The following PNPLA5 variants were observed in gnomAD, a reference collection of about 807,000 sequenced individuals.
PNPLA5 encodes the protein patatin like domain 5, triacylglycerol lipase.
In PNPLA5, 44 loss-of-function variants were observed where a neutral mutation model predicts 49.1. That is an observed-to-expected ratio of 0.90 (90% CI 0.70 to 1.15). PNPLA5 has a LOEUF of 1.15. PNPLA5 is among the 50% of genes most tolerant of loss of function. The pLI, the probability that PNPLA5 is intolerant of heterozygous loss-of-function variation, is 0.00. For synonymous variants in PNPLA5, 243 were observed against 244.4 expected (o/e 0.99, Z 0.06); for missense variants, 603 against 564.0 (o/e 1.07, Z -0.70).
At position 43,884,227 on chromosome 22, in the gene PNPLA5, G is replaced by A; in HGVS notation, c.1068C>T (p.Tyr356=). Reference sequence around the variant, plus strand: ...CCGAGCCTTACCTTCTGCTGCGGAAGTAGATGTACTCGAAGGGCAGTGTGC... The same window carrying A: ...CCGAGCCTTACCTTCTGCTGCGGAAATAGATGTACTCGAAGGGCAGTGTGC... ...LPCTLPFEYI[Y]FRSRRLVVWL... The change falls in exon 7 of 9, where the codon TAC becomes TAT. Residue 356 remains tyrosine, a synonymous_variant. Coordinates refer to ENST00000216177, the MANE Select transcript of PNPLA5 (RefSeq NM_138814.4). 7 of 1,564,486 alleles carry A rather than the reference G, an allele frequency of 4.5e-6. No individual in the cohort carries two copies. Among genetic ancestry groups the A allele is most frequent in the Non-Finnish European group, 6.1e-6 (7 of 1,152,974 alleles).
Position 43,891,295 on chromosome 22 carries a change from C to A in PNPLA5, c.194-1G>T. 1 of 1,554,520 alleles carries A rather than the reference C, an allele frequency of 6.4e-7. No individual in the cohort carries two copies. The highest frequency in any genetic ancestry group is 8.7e-7 in the Non-Finnish European group (1 of 1,152,754). ...CCCAGGAGGTGGGAGCAGCAGAAGT[C>A]TGCAGTGGGGGCAGGGAAAGGGAGA... On this transcript the variant is annotated splice_acceptor_variant, in intron 1 of 8. Transcript: ENST00000216177. LOFTEE classifies it high-confidence loss of function.
At chr22:43,881,695 G>T in intron 7 of PNPLA5, 21 bp from the exon 8 acceptor site, 1 of 1,611,532 alleles carries the variant, frequency 6.2e-7, no homozygotes, top group Non-Finnish European at 8.5e-7. Flanking sequence ...GGGCAGGTCA[G>T]CTTTGCCCAG....
chr22:43,891,806 C>T lies in PNPLA5; in HGVS notation c.75G>A (p.Val25=), dbSNP rs569493493. ...GCTGGCGCAGGCATTCGGTGGCGCC[C>T]ACGTGGTGGGCGCCCAGGTAGCCGG... The part of the protein sequence containing the change: ...SGAGYLGAHH[V]GATECLRQRA... Residue 25 remains valine (V), a synonymous_variant, in exon 1 of 9, where the codon GTG becomes GTA. Transcript: ENST00000216177. 610 of 1,522,552 alleles carry T rather than the reference C, an allele frequency of 4.0e-4. 2 individuals carry two copies. The African/African-American group carries it at 8.0e-3, about 20-fold the overall frequency. The allele number at this position is 1,522,552 out of a possible 1,614,324, so 94.3% of individuals were successfully genotyped here.
intron 7 of PNPLA5, 106 bp from the exon 8 acceptor site, chr22:43,881,780 A>G: frequency 6.7e-7 from 1 of 1,483,598 alleles, no homozygotes; most frequent in Non-Finnish European, 8.9e-7. Flanking sequence ...CCTGCTCCTG[A>G]GGGCTGCCCA....
chr22:43,883,828 A>T (rs921523335), intron 7 of PNPLA5, among the ~76,000 whole-genome samples: 56 of 151,546 alleles, frequency 3.7e-4, no homozygotes, highest in African/African-American at 1.4e-3. Context: ...AAAAGAAAAG[A>T]AAAGAAAGAA....
chr22:43,880,581 A>AT lies in PNPLA5; in HGVS notation c.*213dup, dbSNP rs1355187837. 1 of 413,022 alleles carries AT rather than the reference A, an allele frequency of 2.4e-6. No homozygotes were observed. Among genetic ancestry groups the AT allele is most frequent in the Non-Finnish European group, 4.2e-6 (1 of 239,254 alleles). The allele number at this position is 413,022 out of a possible 1,614,324, so 25.6% of individuals were successfully genotyped here. A position where few individuals can be genotyped will look rare whatever the true frequency, so the allele number is the denominator to read the frequency against. On this transcript the variant is annotated 3_prime_UTR_variant, in exon 9 of 9. Transcript: ENST00000216177. ...GTGGCTGTCCTCCTTTCTCTCCCTG[A>AT]TGAGACGGGGCAAGAGGGAGGGCAG... is the stretch of plus-strand genomic sequence containing the variant.
At chr22:43,888,626 G>A (rs1362183891) in intron 4 of PNPLA5, among the ~76,000 whole-genome samples, 2 of 151,790 alleles carry the variant, frequency 1.3e-5, no homozygotes, top group Non-Finnish European at 2.9e-5. Context: ...GTAGACACAG[G>A]GTTTCACCAT....
At chr22:43,888,426 CTTTTTT>C (rs11408284) in intron 4 of PNPLA5, among the ~76,000 whole-genome samples, 6 of 84,360 alleles carry the variant, frequency 7.1e-5, no homozygotes, top group Admixed American at 4.2e-4. Context: ...TTCTTTCCTT[CTTTTTT>C]TTTTTTTTTT....
Position 43,891,085 on chromosome 22 carries a change from C to T in PNPLA5, c.403G>A (p.Ala135Thr), listed in dbSNP as rs1459512775. The T allele has an allele frequency of 1.2e-6, 2 of 1,610,534 alleles. No individual in the cohort carries two copies. Among genetic ancestry groups the T allele is most frequent in the Non-Finnish European group, 1.7e-6 (2 of 1,178,886 alleles). Residue 135 changes from alanine (A) to threonine (T), a missense_variant, in exon 2 of 9, where the codon GCC becomes ACC. Transcript: ENST00000216177. ...DGRNFLVTDF[A>T]TCDELIQALV... is the part of the protein sequence containing the mutation. ...ACCTGGATGAGCTCATCGCAGGTGGCGAAGTCAGTGACCAAGAAGTTGCGT... is the reference window on the plus strand; with the variant it reads ...ACCTGGATGAGCTCATCGCAGGTGGTGAAGTCAGTGACCAAGAAGTTGCGT...
intron 7 of PNPLA5, chr22:43,881,879 A>C: frequency 5.4e-5 from 29 of 532,852 alleles, no homozygotes; most frequent in Non-Finnish European, 6.5e-5. Context: ...AAGATCCAAA[A>C]TGGACTTTGA....
intron 2 of PNPLA5, among the ~76,000 whole-genome samples, chr22:43,890,787 C>T (rs2049714512): frequency 6.6e-6 from 1 of 152,196 alleles, no homozygotes; most frequent in Non-Finnish European, 1.5e-5. Context: ...TAGCCAGCTG[C>T]CCTCTGGAAA....
At position 43,891,721 on chromosome 22, in the gene PNPLA5, T is replaced by C. The variant is rs1188870753; in HGVS notation, c.160A>G (p.Asn54Asp). Residue 54 changes from asparagine (N) to aspartate (D), a missense_variant, in exon 1 of 9, where the codon AAC becomes GAC. Transcript: ENST00000216177. ...TTGCCGCAGACGATGCTGACTGCGTTGAGCGCCCCAGACGAGGAACCGTAG... is the reference window on the plus strand; with the variant it reads ...TTGCCGCAGACGATGCTGACTGCGTCGAGCGCCCCAGACGAGGAACCGTAG... ...RIYGSSSGAL[N>D]AVSIVCGKSV... 3 of 1,547,874 alleles carry C rather than the reference T, an allele frequency of 1.9e-6. No homozygotes were observed. Among genetic ancestry groups the C allele is most frequent in the Non-Finnish European group, 1.7e-6 (2 of 1,146,078 alleles).
intron 6 of PNPLA5, among the ~76,000 whole-genome samples, chr22:43,885,623 GC>G (rs2148327628): frequency 6.6e-6 from 1 of 152,128 alleles, no homozygotes; most frequent in East Asian, 1.9e-4. Flanking sequence ...CTCTTTTCCA[GC>G]TTCACTTAGA....
chr22:43,884,019 C>T (rs955580675), intron 7 of PNPLA5, among the ~76,000 whole-genome samples, 194 bp downstream of exon 7: 1 of 152,096 alleles, frequency 6.6e-6, no homozygotes, highest in African/African-American at 2.4e-5. Flanking sequence ...CACTTCTCCA[C>T]CAGTCTCATT....
intron 2 of PNPLA5, chr22:43,890,138 G>A (rs1254949902): frequency 2.1e-6 from 2 of 936,200 alleles, no homozygotes; most frequent in Non-Finnish European, 2.5e-6. Flanking sequence ...GGACCCCAAA[G>A]AGTGGCCCAG....
At chr22:43,883,430 A>G (rs1569506981) in intron 7 of PNPLA5, among the ~76,000 whole-genome samples, 1 of 152,234 alleles carries the variant, frequency 6.6e-6, no homozygotes, top group East Asian at 1.9e-4. Flanking sequence ...TGAATGAACA[A>G]CTGATGCAGA....
rs2049591009 is a variant in PNPLA5, at chr22:43,879,846, T to A, written c.*949A>T. 1 of 152,230 alleles carries A rather than the reference T, an allele frequency of 6.6e-6. No homozygotes were observed. Among genetic ancestry groups the A allele is most frequent in the Admixed American group, 6.5e-5 (1 of 15,280 alleles). 9.4% of individuals were successfully genotyped at this position (152,230 alleles called of 1,614,324 possible). A position where few individuals can be genotyped will look rare whatever the true frequency, so the allele number is the denominator to read the frequency against. Reference sequence around the variant, plus strand: ...CCAGGACCACAGGCATGCACCACCATGCCCAGCTAAGTTTTTATTATTTTT... The same window carrying A: ...CCAGGACCACAGGCATGCACCACCAAGCCCAGCTAAGTTTTTATTATTTTT... On this transcript the variant is annotated 3_prime_UTR_variant, in exon 9 of 9. Transcript: ENST00000216177.
chr22:43,881,579 G>C lies in PNPLA5; in HGVS notation c.1178C>G (p.Ala393Gly), dbSNP rs142457377. The C allele has an allele frequency of 5.0e-6, 8 of 1,604,096 alleles. No homozygotes were observed. The African/African-American group carries it at 8.0e-5, about 16-fold the overall frequency. The part of the protein sequence containing the change: ...MALEVFSRTK[A>G]QLLGPISPPA... ...TCACCTGATGGGCCCAAGGAGCTGG[G>C]CCTTGGTCCTGGAGAAAACCTCGAG... Residue 393 changes from alanine (A) to glycine (G), a missense_variant, in exon 8 of 9, where the codon GCC becomes GGC. By Grantham distance (60) the Ala-to-Gly change is moderately conservative. Coordinates refer to ENST00000216177, the MANE Select transcript of PNPLA5 (RefSeq NM_138814.4).
chr22:43,888,426 C>CTTT (rs11408284), intron 4 of PNPLA5, among the ~76,000 whole-genome samples: 8 of 84,372 alleles, frequency 9.5e-5, no homozygotes, highest in Non-Finnish European at 1.1e-4. Flanking sequence ...TTCTTTCCTT[C>CTTT]TTTTTTTTTT....
Sources: allele counts gnomAD v4.1 joint callset (sites outside exome capture counted in the v4.1 genomes callset), GRCh38; gene constraint gnomAD v4.1.1; transcripts MANE v1.5; gene names NCBI Gene and HGNC (gene_info 2026-07-23, HGNC 2026-07-21).